The following NEK6 variants were observed in gnomAD, a reference collection of about 807,000 sequenced individuals.
NEK6 encodes serine/threonine-protein kinase Nek6.
NEK6 carries 27 observed loss-of-function variants against 43.5 expected under a neutral mutation model. The observed-to-expected ratio is 0.62, with a 90% CI of 0.46 to 0.86. The LOEUF is 0.86. NEK6 is among the 40% of genes least tolerant of loss of function. The pLI, the probability that NEK6 is intolerant of heterozygous loss-of-function variation, is 0.00. For synonymous variants in NEK6, 167 were observed against 164.1 expected (o/e 1.02, Z -0.14); for missense variants, 318 against 414.4 (o/e 0.77, Z 2.02).
intron 1 of NEK6, among the ~76,000 whole-genome samples, chr9:124,291,377 A>C (rs1188733062): frequency 6.6e-6 from 1 of 152,224 alleles, no homozygotes; most frequent in African/African-American, 2.4e-5. Flanking sequence ...CTGTAATCTT[A>C]CCACTTTGGG....
chr9:124,326,516 C>T lies in NEK6; in HGVS notation c.514+78C>T, dbSNP rs901259298. 3 of 1,086,324 alleles carry T rather than the reference C, an allele frequency of 2.8e-6. No homozygotes were observed. The highest frequency in any genetic ancestry group is 1.3e-5 in the South Asian group (1 of 79,986). 67.3% of individuals were successfully genotyped at this position (1,086,324 alleles called of 1,614,324 possible). On this transcript the variant is annotated intron_variant, in intron 6 of 9. Transcript: ENST00000320246. This position sits in a 1 kb window ranked among gnomAD's most constrained non-coding sequence, Gnocchi z 4.5. Reference sequence around the variant, plus strand: ...ACTTCCTCATGGCTCCTCCAGGGTCCTCAGGGGCAGCCCCTTGAGGAAGTT... The same window carrying T: ...ACTTCCTCATGGCTCCTCCAGGGTCTTCAGGGGCAGCCCCTTGAGGAAGTT...
chr9:124,303,694 T>C (rs185019885), intron 2 of NEK6, among the ~76,000 whole-genome samples: 25 of 152,272 alleles, frequency 1.6e-4, no homozygotes, highest in Non-Finnish European at 3.1e-4. Context: ...TAGGTAGAAT[T>C]TGGGGAGGCA....
rs938233529 is a variant in NEK6, at chr9:124,257,953, T to A, written c.-162T>A. On this transcript the variant is annotated 5_prime_UTR_variant, in exon 1 of 10. Coordinates refer to ENST00000320246, the MANE Select transcript of NEK6 (RefSeq NM_014397.6). ...CGGGCGCGCGGGCCCGCGCAGGCGG[T>A]GGCGGCGGCGGCGGAACCGAGCTGA... The A allele has an allele frequency of 1.0e-6, 1 of 973,714 alleles. No individual in the cohort carries two copies. Among genetic ancestry groups the A allele is most frequent in the Non-Finnish European group, 1.2e-6 (1 of 824,994 alleles). 60.3% of individuals were successfully genotyped at this position (973,714 alleles called of 1,614,324 possible).
intron 5 of NEK6, among the ~76,000 whole-genome samples, chr9:124,325,353 C>T (rs1486536024): frequency 1.3e-5 from 2 of 152,248 alleles, no homozygotes; most frequent in South Asian, 2.1e-4. Flanking sequence ...TCTGAAAGTG[C>T]TGGCCCAGCT....
intron 1 of NEK6, among the ~76,000 whole-genome samples, chr9:124,284,883 A>G (rs920093582): frequency 2.0e-5 from 3 of 151,940 alleles, no homozygotes; most frequent in African/African-American, 7.3e-5. Flanking sequence ...TCAAATTTAC[A>G]CCACTCTGAC....
At chr9:124,340,523 G>C (rs1416310961) in intron 8 of NEK6, among the ~76,000 whole-genome samples, 1 of 152,238 alleles carries the variant, frequency 6.6e-6, no homozygotes, top group African/African-American at 2.4e-5. Context: ...AGGACCACCT[G>C]TCTTGCATTG....
Position 124,352,503 on chromosome 9 carries a change from C to T in NEK6, c.*1556C>T, listed in dbSNP as rs1265033026. 6.6e-6 allele frequency: 1 copy of T among 152,202 alleles called. No individual in the cohort carries two copies. Among genetic ancestry groups the T allele is most frequent in the Non-Finnish European group, 1.5e-5 (1 of 68,032 alleles). 9.4% of individuals were successfully genotyped at this position (152,202 alleles called of 1,614,324 possible). ...CAAAACTTAAACAGCGTCTGCAGCA[C>T]AATTTCTTGAGGAACCTTGAAAAAC... is the stretch of plus-strand genomic sequence containing the variant. On this transcript the variant is annotated 3_prime_UTR_variant, in exon 10 of 10. Coordinates refer to ENST00000320246, the MANE Select transcript of NEK6 (RefSeq NM_014397.6).
intron 1 of NEK6, among the ~76,000 whole-genome samples, chr9:124,290,714 C>G (rs1469483283): frequency 6.6e-6 from 1 of 152,222 alleles, no homozygotes; most frequent in Non-Finnish European, 1.5e-5. Context: ...CCTCTGTGCC[C>G]TTGATCCCAC....
chr9:124,349,599 CTT>C (rs1419593257), intron 9 of NEK6, among the ~76,000 whole-genome samples: 7 of 152,330 alleles, frequency 4.6e-5, no homozygotes, highest in African/African-American at 1.7e-4. Flanking sequence ...AAATAAGACA[CTT>C]TTATTATTTT....
At chr9:124,303,137 GAC>G (rs1192859438) in intron 2 of NEK6, among the ~76,000 whole-genome samples, 1 of 152,252 alleles carries the variant, frequency 6.6e-6, no homozygotes, top group Non-Finnish European at 1.5e-5. Flanking sequence ...GCCTGGAGGG[GAC>G]AGAGAGCTTG....
chr9:124,276,665 GTTA>G (rs1479139815), intron 1 of NEK6, among the ~76,000 whole-genome samples: 2 of 152,198 alleles, frequency 1.3e-5, no homozygotes, highest in African/African-American at 4.8e-5. Flanking sequence ...CTAACAGTAT[GTTA>G]TTATTGATAT....
At chr9:124,345,617 G>A (rs1829880040) in intron 8 of NEK6, among the ~76,000 whole-genome samples, 1 of 152,204 alleles carries the variant, frequency 6.6e-6, no homozygotes, top group Admixed American at 6.5e-5. Context: ...ATGATCTGAA[G>A]TTGAAGATCG....
rs58048051 is a variant in NEK6 at position 124,334,410 on chromosome 9, C to T, written c.623-5161C>T. On this transcript the variant is annotated intron_variant, in intron 7 of 9. Coordinates refer to ENST00000320246, the MANE Select transcript of NEK6 (RefSeq NM_014397.6). Reference sequence around the variant, plus strand: ...AATTGCATTTGGATGTTTGCCTTTTCTCCGTACACCAGTGGAAATGGGGTA... The same window carrying T: ...AATTGCATTTGGATGTTTGCCTTTTTTCCGTACACCAGTGGAAATGGGGTA... Among the ~76,000 whole-genome samples the T allele has an allele frequency of 9.0e-3, 1,378 of 152,346 alleles. 28 individuals are homozygous for T. Among genetic ancestry groups the T allele is most frequent in the African/African-American group, 0.031 (1,278 of 41,576 alleles).
chr9:124,295,308 C>T (rs575262006), intron 1 of NEK6, among the ~76,000 whole-genome samples: 2 of 152,336 alleles, frequency 1.3e-5, no homozygotes, highest in Admixed American at 1.3e-4. Flanking sequence ...CAGACTCCAT[C>T]TGTGGCTTGT....
chr9:124,288,953 A>G (rs1253270728), intron 1 of NEK6, among the ~76,000 whole-genome samples: 2 of 152,092 alleles, frequency 1.3e-5, no homozygotes, highest in Non-Finnish European at 2.9e-5. Context: ...CAACGCAGTT[A>G]AGTACATTGG....
At chr9:124,292,843 T>C in intron 1 of NEK6, 1 of 1,439,468 alleles carries the variant, frequency 6.9e-7, no homozygotes, top group African/African-American at 1.4e-5. Flanking sequence ...CATTTCCATG[T>C]TCAAGGAGAA....
At chr9:124,323,604 A>G (rs1008929065) in intron 5 of NEK6, among the ~76,000 whole-genome samples, 1 of 152,100 alleles carries the variant, frequency 6.6e-6, no homozygotes, top group Non-Finnish European at 1.5e-5. Context: ...GAGCCCAGAC[A>G]CTGTGGCCTC....
At chr9:124,329,600 G>A (rs957077758) in intron 7 of NEK6, among the ~76,000 whole-genome samples, 10 of 152,198 alleles carry the variant, frequency 6.6e-5, no homozygotes, top group South Asian at 2.1e-4. Context: ...TCCCCACTCC[G>A]GGCTCTGTGC....
chr9:124,262,190 G>A (rs1280424474), intron 1 of NEK6, among the ~76,000 whole-genome samples: 1 of 152,084 alleles, frequency 6.6e-6, no homozygotes, highest in African/African-American at 2.4e-5. Context: ...CTTGGGTAAT[G>A]GCAAGATAAC....
Sources: allele counts gnomAD v4.1 joint callset (sites outside exome capture counted in the v4.1 genomes callset), GRCh38; gene constraint gnomAD v4.1.1; non-coding constraint Gnocchi (gnomAD v3.1); transcripts MANE v1.5; gene names NCBI Gene and HGNC (gene_info 2026-07-23, HGNC 2026-07-21).